The following GCNT4 variants were observed in gnomAD, a reference collection of about 807,000 sequenced individuals.
The protein encoded by GCNT4 is beta-1,3-galactosyl-O-glycosyl-glycoprotein beta-1,6-N-acetylglucosaminyltransferase 4.
GCNT4 carries 17 observed loss-of-function variants against 31.3 expected under a neutral mutation model. That is an observed-to-expected ratio of 0.54 (90% CI 0.37 to 0.81). The LOEUF (loss-of-function observed/expected upper bound fraction) is 0.81. Among genes scored for constraint, GCNT4 ranks in the 40% least tolerant of loss-of-function variants. The probability of loss-of-function intolerance (pLI) is 0.00; values close to 1 mark genes in which losing one functional copy is unlikely to be tolerated. For missense variants in GCNT4, 503 were observed against 525.5 expected (o/e 0.96, Z 0.42); for synonymous variants, 158 against 190.6 (o/e 0.83, Z 1.41).
chr5:75,047,270 T>C (rs1743462848), intron 3 of GCNT4, among the ~76,000 whole-genome samples: 1 of 152,192 alleles, frequency 6.6e-6, no homozygotes, highest in Non-Finnish European at 1.5e-5. Context: ...AGTGCAGAGG[T>C]AAATTTTTGC....
chr5:75,044,183 G>A (rs543800506), intron 3 of GCNT4, among the ~76,000 whole-genome samples: 1 of 152,128 alleles, frequency 6.6e-6, no homozygotes, highest in Non-Finnish European at 1.5e-5. Context: ...AGGGGACTTT[G>A]GAACCAGCTT....
downstream of GCNT4, among the ~76,000 whole-genome samples, chr5:75,024,128 A>G (rs1246891229): frequency 1.3e-5 from 2 of 152,208 alleles, no homozygotes; most frequent in African/African-American, 4.8e-5. Context: ...AGTTTCATGT[A>G]ACTAGAAGCC....
chr5:75,029,979 A>G lies in GCNT4; in HGVS notation c.59T>C (p.Phe20Ser). 2 of 1,612,748 alleles carry G rather than the reference A, an allele frequency of 1.2e-6. No homozygotes were observed. Among genetic ancestry groups the G allele is most frequent in the Non-Finnish European group, 1.7e-6 (2 of 1,179,700 alleles). Reference protein sequence around the residue: ...HTLQQKVFILFLTLWLLSLLK... With the variant: ...HTLQQKVFILSLTLWLLSLLK... ...CAAAGAGAGCAGCCATAGGGTTAAA[A>G]ACAGGATGAAAACTTTCTGCTGTAG... is the stretch of plus-strand genomic sequence containing the variant. The change falls in exon 4 of 4, where the codon TTT becomes TCT. Residue 20 changes from phenylalanine (F) to serine (S), a missense_variant. Coordinates refer to ENST00000652361, the MANE Select transcript of GCNT4 (RefSeq NM_001366737.1).
At chr5:75,034,167 T>C (rs78269946) in intron 3 of GCNT4, among the ~76,000 whole-genome samples, 426 of 152,240 alleles carry the variant, frequency 2.8e-3, no homozygotes, top group African/African-American at 0.01. Context: ...TGGGCACTAA[T>C]AGTGAGGGGA....
intron 3 of GCNT4, among the ~76,000 whole-genome samples, chr5:75,035,565 T>A (rs1743177506): frequency 6.6e-6 from 1 of 152,226 alleles, no homozygotes; most frequent in African/African-American, 2.4e-5. Flanking sequence ...AGTTTTCTTG[T>A]TAAAAATGGG....
intron 3 of GCNT4, among the ~76,000 whole-genome samples, chr5:75,033,039 T>C (rs1743107231): frequency 6.6e-6 from 1 of 152,192 alleles, no homozygotes; most frequent in Admixed American, 6.5e-5. Context: ...TATTAGTCCA[T>C]GGAGTCTCTA....
downstream of GCNT4, among the ~76,000 whole-genome samples, chr5:75,020,380 G>C (rs1460287728): frequency 6.6e-6 from 1 of 152,174 alleles, no homozygotes; most frequent in African/African-American, 2.4e-5. Flanking sequence ...CAGACAGAGG[G>C]GGAGCCAGGA....
In GCNT4 at chr5:75,048,390, G is replaced by A. The variant is rs112032319; in HGVS notation, c.-142-353C>T. Among the ~76,000 whole-genome samples, 268 of 152,242 alleles carry A rather than the reference G, an allele frequency of 1.8e-3. 10 individuals carry two copies. The South Asian group carries it at 0.044, about 25-fold the overall frequency. ...CACGTGCAAAAAATTAACTGTATTC[G>A]TTAATTGAGAACCCTGGTTCATGGA... On this transcript the variant is annotated intron_variant, in intron 2 of 3. Coordinates refer to ENST00000652361, the MANE Select transcript of GCNT4 (RefSeq NM_001366737.1).
intron 2 of GCNT4, among the ~76,000 whole-genome samples, chr5:75,050,402 T>G (rs763063365): frequency 6.6e-6 from 1 of 152,102 alleles, no homozygotes; most frequent in Non-Finnish European, 1.5e-5. Context: ...CACATATGTC[T>G]AAGGCTCCCT....
the GCNT4 span, among the ~76,000 whole-genome samples, chr5:75,017,167 G>C: frequency 2.2e-4 from 34 of 152,294 alleles, no homozygotes; most frequent in African/African-American, 8.2e-4. Context: ...GTGCTGAACT[G>C]CATGCTTGCT....
At chr5:75,034,906 G>C (rs1390777713) in intron 3 of GCNT4, among the ~76,000 whole-genome samples, 1 of 152,150 alleles carries the variant, frequency 6.6e-6, no homozygotes, top group Non-Finnish European at 1.5e-5. Flanking sequence ...GTGCACCCCA[G>C]CTAAGCGGAC....
rs1171235286 is a variant in GCNT4, at chr5:75,027,078, TA to T, written c.*1597del. 2 of 151,548 alleles carry T rather than the reference TA, an allele frequency of 1.3e-5. No homozygotes were observed. Among genetic ancestry groups the T allele is most frequent in the East Asian group, 1.9e-4 (1 of 5,182 alleles). The allele number at this position is 151,548 out of a possible 1,614,324, so 9.4% of individuals were successfully genotyped here. On this transcript the variant is annotated 3_prime_UTR_variant, in exon 4 of 4. Transcript: ENST00000652361. ...TTTTGGGCTAGATTTACTACATCTT[TA>T]AATATAATATCTGAGGCTACATTTT...
chr5:75,030,245 T>C (rs894859725), intron 3 of GCNT4: 2 of 526,164 alleles, frequency 3.8e-6, no homozygotes, highest in Non-Finnish European at 6.8e-6. Context: ...GTGTTAACTA[T>C]ACCTAATTTT....
Position 75,026,638 on chromosome 5 carries a change from C to A in GCNT4, c.*2038G>T, listed in dbSNP as rs560353143. The stretch of plus-strand genomic sequence containing the variant: ...AAACCACTTCATATACTATTTCAAT[C>A]GATTCTCACAAAAAAAAAAAAAAAA... On this transcript the variant is annotated 3_prime_UTR_variant, in exon 4 of 4. Coordinates refer to ENST00000652361, the MANE Select transcript of GCNT4 (RefSeq NM_001366737.1). 2 of 115,690 alleles carry A rather than the reference C, an allele frequency of 1.7e-5. No homozygotes were observed. The highest frequency in any genetic ancestry group is 5.3e-4 in the East Asian group (2 of 3,752). The allele number at this position is 115,690 out of a possible 1,614,324, so 7.2% of individuals were successfully genotyped here. A position where few individuals can be genotyped will look rare whatever the true frequency, so the allele number is the denominator to read the frequency against.
intron 3 of GCNT4, among the ~76,000 whole-genome samples, chr5:75,032,872 GGTGTGTGTGT>G (rs60551634): frequency 0.048 from 6,317 of 130,558 alleles, 222 homozygotes; most frequent in African/African-American, 0.1. Context: ...CCCAAATAGG[GGTGTGTGTGT>G]GTGTGTGTGT....
rs1262407083 is a variant in GCNT4 at position 75,026,570 on chromosome 5, T to A, written c.*2106A>T. ...ACCTTTGCCTATACTACTACAGGTA[T>A]CACTCTCTGACATTGAAATGTCAAT... is the stretch of plus-strand genomic sequence containing the variant. On this transcript the variant is annotated 3_prime_UTR_variant, in exon 4 of 4. Transcript: ENST00000652361. 1.4e-5 allele frequency: 2 copies of A among 145,330 alleles called. No individual in the cohort carries two copies. The highest frequency in any genetic ancestry group is 5.1e-5 in the African/African-American group (2 of 38,926). The allele number at this position is 145,330 out of a possible 1,614,324, so 9.0% of individuals were successfully genotyped here. A position where few individuals can be genotyped will look rare whatever the true frequency, so the allele number is the denominator to read the frequency against.
chr5:75,031,148 C>T (rs912181859), intron 3 of GCNT4, among the ~76,000 whole-genome samples: 1 of 151,614 alleles, frequency 6.6e-6, no homozygotes, highest in African/African-American at 2.4e-5. Flanking sequence ...AATCATGGCT[C>T]AATGCAGCCT....
At chr5:75,047,097 T>A (rs1453857088) in intron 3 of GCNT4, among the ~76,000 whole-genome samples, 1 of 152,228 alleles carries the variant, frequency 6.6e-6, no homozygotes, top group Non-Finnish European at 1.5e-5. Context: ...CTTTCTCCAA[T>A]CCACTATATA....
intron 3 of GCNT4, among the ~76,000 whole-genome samples, chr5:75,038,486 ATATCT>A (rs1407284538): frequency 2.0e-5 from 3 of 152,160 alleles, no homozygotes; most frequent in African/African-American, 7.2e-5. Context: ...CTATAATGAA[ATATCT>A]TAGACTGAAT....
Sources: gnomAD v4.1 joint callset for allele counts (sites outside exome capture counted in the v4.1 genomes callset) on GRCh38, gnomAD v4.1.1 for gene constraint, MANE v1.5 for transcripts, NCBI Gene and HGNC (gene_info 2026-07-23, HGNC 2026-07-21) for gene names.